SNX24: variants seen among roughly 807,000 people sequenced by gnomAD.
SNX24 encodes the protein sorting nexin-24.
Under a neutral mutation model 28.7 loss-of-function variants are expected in SNX24, and 22 were observed. That is an observed-to-expected ratio of 0.77 (90% CI 0.55 to 1.10). The LOEUF (loss-of-function observed/expected upper bound fraction) is 1.10. SNX24 is among the 50% of genes least tolerant of loss of function. The probability of loss-of-function intolerance (pLI) is 0.00; values close to 1 mark genes in which losing one functional copy is unlikely to be tolerated. For missense variants in SNX24, 221 were observed against 201.1 expected (o/e 1.10, Z -0.60); for synonymous variants, 69 against 71.5 (o/e 0.96, Z 0.18).
chr5:122,857,896 C>T (rs1326953154), intron 1 of SNX24, among the ~76,000 whole-genome samples: 1 of 152,142 alleles, frequency 6.6e-6, no homozygotes, highest in Admixed American at 6.5e-5. Flanking sequence ...GATTCTCCTG[C>T]CTCAGCCTCC....
chr5:122,926,963 G>A (rs953667007), intron 1 of SNX24, among the ~76,000 whole-genome samples: 1 of 152,152 alleles, frequency 6.6e-6, no homozygotes, highest in Non-Finnish European at 1.5e-5. Context: ...TTACTCTCGT[G>A]ATCATTTTCC....
chr5:122,941,382 C>T (rs1759438141), intron 2 of SNX24, among the ~76,000 whole-genome samples: 3 of 152,182 alleles, frequency 2.0e-5, no homozygotes, highest in Admixed American at 2.0e-4. Flanking sequence ...GAGCCAATAT[C>T]TCCCATTACC....
chr5:122,900,468 T>C (rs557181486), intron 1 of SNX24, among the ~76,000 whole-genome samples: 9 of 152,274 alleles, frequency 5.9e-5, no homozygotes, highest in South Asian at 2.1e-4. Flanking sequence ...TGGTGTGGTA[T>C]AGAAAACATA....
rs117485106 is a variant in SNX24 at position 123,006,489 on chromosome 5, G to C, written c.443-1193G>C. Among the ~76,000 whole-genome samples, 55 of 152,318 alleles carry C rather than the reference G, an allele frequency of 3.6e-4. 1 individual carries two copies. In the East Asian group the frequency reaches 0.01, roughly 29 times the overall value. On this transcript the variant is annotated intron_variant, in intron 6 of 6. Transcript: ENST00000261369. ...TAGTCTCCAAACTGATCTTGTGTCTGCTTTGAACTTCTCCAGTCCATTCTC... is the reference window on the plus strand; with the variant it reads ...TAGTCTCCAAACTGATCTTGTGTCTCCTTTGAACTTCTCCAGTCCATTCTC...
intron 1 of SNX24, among the ~76,000 whole-genome samples, chr5:122,900,832 G>T (rs544539007): frequency 1.3e-5 from 2 of 152,062 alleles, no homozygotes; most frequent in Admixed American, 6.6e-5. Context: ...AAAGACCTAA[G>T]AGCCAATAAT....
intron 3 of SNX24, among the ~76,000 whole-genome samples, chr5:122,952,773 A>G (rs1295561877): frequency 2.0e-5 from 3 of 152,234 alleles, no homozygotes; most frequent in Admixed American, 1.3e-4. Flanking sequence ...TGCTGTGTAA[A>G]AGGAACAATC....
At chr5:122,891,093 A>G in intron 1 of SNX24, 1 of 1,534,234 alleles carries the variant, frequency 6.5e-7, no homozygotes, top group Non-Finnish European at 8.8e-7. Context: ...TGTTCTGGAA[A>G]TTGCTTTTTC....
At chr5:122,957,836 AG>A (rs1334213037) in intron 3 of SNX24, among the ~76,000 whole-genome samples, 2 of 152,162 alleles carry the variant, frequency 1.3e-5, no homozygotes, top group African/African-American at 4.8e-5. Context: ...GTTTATTGTT[AG>A]TATATCAAAA....
chr5:122,912,908 G>A (rs1757956336), intron 1 of SNX24, among the ~76,000 whole-genome samples: 1 of 151,942 alleles, frequency 6.6e-6, no homozygotes, highest in Non-Finnish European at 1.5e-5. Flanking sequence ...AGGGAGTGGT[G>A]ATGACTCTTA....
chr5:122,853,360 C>T (rs918231782), intron 1 of SNX24, among the ~76,000 whole-genome samples: 4 of 152,074 alleles, frequency 2.6e-5, no homozygotes, highest in Non-Finnish European at 5.9e-5. Flanking sequence ...ATCTCCTGAC[C>T]TTGTGATCCA....
In SNX24 at chr5:122,864,200, A is replaced by G. The variant is rs558874695; in HGVS notation, c.60+18507A>G. On this transcript the variant is annotated intron_variant, in intron 1 of 6. Transcript: ENST00000261369. ...ACTATAGTATCCCAAGTAAAAGATGATGATGGCTTAGAACAACATGTTAGT... is the reference window on the plus strand; with the variant it reads ...ACTATAGTATCCCAAGTAAAAGATGGTGATGGCTTAGAACAACATGTTAGT... Among the ~76,000 whole-genome samples, 62 of 152,252 alleles carry G rather than the reference A, an allele frequency of 4.1e-4. No individual in the cohort carries two copies. In the South Asian group the frequency reaches 0.011, roughly 26 times the overall value.
At chr5:122,868,779 A>G (rs1581687508) in intron 1 of SNX24, among the ~76,000 whole-genome samples, 1 of 152,020 alleles carries the variant, frequency 6.6e-6, no homozygotes, top group South Asian at 2.1e-4. Flanking sequence ...AATGTTCTTC[A>G]CTCAGCCTAT....
At chr5:122,967,730 C>T (rs1173311658) in intron 3 of SNX24, among the ~76,000 whole-genome samples, 1 of 152,152 alleles carries the variant, frequency 6.6e-6, no homozygotes, top group East Asian at 1.9e-4. Context: ...ATTTGTGGGG[C>T]CTGATAGGTG....
At chr5:122,968,515 A>G (rs1275534424) in intron 3 of SNX24, among the ~76,000 whole-genome samples, 1 of 152,214 alleles carries the variant, frequency 6.6e-6, no homozygotes, top group Non-Finnish European at 1.5e-5. Context: ...TTCCTGACCA[A>G]ATCTCATCAG....
intron 3 of SNX24, among the ~76,000 whole-genome samples, chr5:122,958,249 C>CA (rs61574477): frequency 1.0e-4 from 15 of 150,530 alleles, no homozygotes; most frequent in Non-Finnish European, 1.9e-4. Context: ...TTGAATTTTG[C>CA]AAAAAAAAAA....
At chr5:122,878,393 G>C (rs1459824713) in intron 1 of SNX24, among the ~76,000 whole-genome samples, 1 of 152,152 alleles carries the variant, frequency 6.6e-6, no homozygotes. Flanking sequence ...CTGGGAGAGA[G>C]TGAGGACCCT....
chr5:122,858,997 C>T (rs974033939), intron 1 of SNX24, among the ~76,000 whole-genome samples: 1 of 152,164 alleles, frequency 6.6e-6, no homozygotes, highest in African/African-American at 2.4e-5. Flanking sequence ...ATCCACCTGC[C>T]TCGGCCTCCC....
intron 2 of SNX24, among the ~76,000 whole-genome samples, chr5:122,937,751 G>C (rs971180275): frequency 6.6e-6 from 1 of 152,078 alleles, no homozygotes; most frequent in East Asian, 1.9e-4. Flanking sequence ...TTCAATCCAG[G>C]TTGACTTGGA....
intron 1 of SNX24, among the ~76,000 whole-genome samples, chr5:122,849,387 A>C (rs551813463): frequency 1.3e-5 from 2 of 152,188 alleles, no homozygotes; most frequent in Admixed American, 1.3e-4. Flanking sequence ...GGTTAGGGTG[A>C]CCCAATGTCA....
Sources: gnomAD v4.1 joint callset for allele counts (sites outside exome capture counted in the v4.1 genomes callset) on GRCh38, gnomAD v4.1.1 for gene constraint, MANE v1.5 for transcripts, NCBI Gene and HGNC (gene_info 2026-07-23, HGNC 2026-07-21) for gene names.